Variants in DTNB observed in about 807,000 individuals in gnomAD.
The protein encoded by DTNB is dystrobrevin beta, also known as DTN-B.
A neutral mutation model predicts 90.7 loss-of-function variants in DTNB; 63 were observed. That is an observed-to-expected ratio of 0.69 (90% CI 0.57 to 0.86). The LOEUF is 0.86. Among genes scored for constraint, DTNB ranks in the 40% least tolerant of loss-of-function variants. DTNB has a pLI of 0.00. For synonymous variants in DTNB, 277 were observed against 286.7 expected (o/e 0.97, Z 0.34); for missense variants, 744 against 807.1 (o/e 0.92, Z 0.95).
At chr2:25,416,835 AG>A (rs2048097904) in intron 16 of DTNB, among the ~76,000 whole-genome samples, 7 of 151,480 alleles carry the variant, frequency 4.6e-5, no homozygotes, top group Admixed American at 1.3e-4. Context: ...GAAGGAAGGA[AG>A]GAAGGAAGGA....
intron 16 of DTNB, among the ~76,000 whole-genome samples, chr2:25,393,324 G>C (rs997780381): frequency 7.9e-5 from 12 of 152,146 alleles, no homozygotes; most frequent in African/African-American, 2.4e-4. Flanking sequence ...ACTGGAACAA[G>C]ACAAGGATGC....
intron 9 of DTNB, among the ~76,000 whole-genome samples, chr2:25,485,235 C>A (rs2065887296): frequency 6.6e-6 from 1 of 152,082 alleles, no homozygotes; most frequent in Non-Finnish European, 1.5e-5. Flanking sequence ...TCTTGAACTC[C>A]TGAGTTCAGG....
chr2:25,668,020 A>G (rs948749460), intron 1 of DTNB, among the ~76,000 whole-genome samples: 2 of 152,186 alleles, frequency 1.3e-5, no homozygotes, highest in Admixed American at 1.3e-4. Flanking sequence ...CAGGCGGATC[A>G]TGAGGTCAGG....
Position 25,506,994 on chromosome 2 carries a change from T to C in DTNB, c.1002-24121A>G, listed in dbSNP as rs369587644. ...TTTAGAAATTGCCTTAACTTTACAA[T>C]TGGATCCATGCATATTAGAAAAAAA... On this transcript the variant is annotated intron_variant, in intron 9 of 20. Transcript: ENST00000406818. Among the ~76,000 whole-genome samples, 36 of 152,216 alleles carry C rather than the reference T, an allele frequency of 2.4e-4. 1 individual carries two copies. Among genetic ancestry groups the C allele is most frequent in the African/African-American group, 8.4e-4 (35 of 41,552 alleles).
intron 8 of DTNB, among the ~76,000 whole-genome samples, chr2:25,541,440 C>A (rs2081232016): frequency 6.6e-6 from 1 of 152,076 alleles, no homozygotes; most frequent in Admixed American, 6.6e-5. Context: ...TGAGATCACA[C>A]CACCGCACTC....
chr2:25,489,571 T>C (rs991247779), intron 9 of DTNB, among the ~76,000 whole-genome samples: 5 of 152,160 alleles, frequency 3.3e-5, no homozygotes, highest in Non-Finnish European at 7.3e-5. Context: ...CAGTCCCAGT[T>C]ATGCAGGAGG....
intron 8 of DTNB, among the ~76,000 whole-genome samples, chr2:25,556,068 T>C (rs527308380): frequency 6.6e-6 from 1 of 151,888 alleles, no homozygotes; most frequent in East Asian, 1.9e-4. Context: ...CAGATCTATT[T>C]CACTTATTAT....
At chr2:25,392,162 A>T (rs780441484) in intron 16 of DTNB, among the ~76,000 whole-genome samples, 1 of 152,172 alleles carries the variant, frequency 6.6e-6, no homozygotes, top group Non-Finnish European at 1.5e-5. Flanking sequence ...TAATCCCAGC[A>T]CTTTGGGAGG....
chr2:25,416,040 T>C (rs2047837392), intron 16 of DTNB, among the ~76,000 whole-genome samples: 1 of 152,194 alleles, frequency 6.6e-6, no homozygotes, highest in Admixed American at 6.5e-5. Context: ...CTACTTGTGA[T>C]TGGTGTCTGA....
chr2:25,379,209 G>A (rs2036801606), intron 20 of DTNB, 81 bp downstream of exon 20: 1 of 1,261,828 alleles, frequency 7.9e-7, no homozygotes, highest in African/African-American at 1.6e-5. Context: ...AGGGACCTGT[G>A]ACTGCAGGAA....
rs553729309 is a variant in DTNB at position 25,530,487 on chromosome 2, G to T, written c.1001+986C>A. ...TAAAACTGATAAGTCAAGAAATGGT[G>T]CTCCAAACATATTATTTAGAAATAC... On this transcript the variant is annotated intron_variant, in intron 9 of 20. Transcript: ENST00000406818. Among the ~76,000 whole-genome samples, 253 of 152,174 alleles carry T rather than the reference G, an allele frequency of 1.7e-3. 1 individual carries two copies. The highest frequency in any genetic ancestry group is 5.8e-3 in the African/African-American group (240 of 41,528).
At position 25,647,608 on chromosome 2, in the gene DTNB, C is replaced by T. The variant is rs186569610; in HGVS notation, c.67+4986G>A. Among the ~76,000 whole-genome samples the T allele has an allele frequency of 3.7e-4, 56 of 152,262 alleles. No homozygotes were observed. The East Asian group carries it at 9.8e-3, about 27-fold the overall frequency. On this transcript the variant is annotated intron_variant, in intron 2 of 20. Transcript: ENST00000406818. ...AAGATACTCCAGCCAGGTGCGGTGG[C>T]CCACGCTTGTAATCCCAGCACTTTG... is the stretch of plus-strand genomic sequence containing the variant.
chr2:25,523,897 C>CT (rs869167435), intron 9 of DTNB, among the ~76,000 whole-genome samples: 1,294 of 115,792 alleles, frequency 0.011, 14 homozygotes, highest in Non-Finnish European at 0.015. Flanking sequence ...GTCATCTGTA[C>CT]TTTTTTTTTT....
rs187549631 is a variant in DTNB at position 25,557,965 on chromosome 2, G to C, written c.876+18873C>G. On this transcript the variant is annotated intron_variant, in intron 8 of 20. Transcript: ENST00000406818. ...GAGTCTTAACCTAAACAAGAAGAAC[G>C]AGCTGGAACTAAGAACTGCAGAAAT... Among the ~76,000 whole-genome samples, 28 of 152,286 alleles carry C rather than the reference G, an allele frequency of 1.8e-4. 1 individual carries two copies. The highest frequency in any genetic ancestry group is 1.2e-3 in the South Asian group (6 of 4,826).
At chr2:25,600,126 C>T (rs947341513) in intron 5 of DTNB, among the ~76,000 whole-genome samples, 1 of 152,092 alleles carries the variant, frequency 6.6e-6, no homozygotes, top group Non-Finnish European at 1.5e-5. Context: ...GCTAGTCTTA[C>T]AAGGAGGAAA....
intron 16 of DTNB, among the ~76,000 whole-genome samples, chr2:25,398,797 G>A (rs1158583996): frequency 6.6e-6 from 1 of 152,056 alleles, no homozygotes; most frequent in Non-Finnish European, 1.5e-5. Context: ...TCTCCTCTAG[G>A]ATGAGACAAT....
intron 8 of DTNB, among the ~76,000 whole-genome samples, chr2:25,551,109 C>T (rs992535013): frequency 6.6e-5 from 10 of 152,200 alleles, no homozygotes; most frequent in African/African-American, 2.2e-4. Flanking sequence ...AACTTCTTCT[C>T]ACCCTGATCT....
intron 3 of DTNB, among the ~76,000 whole-genome samples, chr2:25,630,862 A>G (rs527763470): frequency 6.0e-5 from 9 of 149,300 alleles, no homozygotes; most frequent in Admixed American, 6.7e-5. Flanking sequence ...AAAAAAAAAA[A>G]AAAAAGGGGA....
At chr2:25,396,968 T>G (rs1265564009) in intron 16 of DTNB, among the ~76,000 whole-genome samples, 1 of 151,956 alleles carries the variant, frequency 6.6e-6, no homozygotes, top group Non-Finnish European at 1.5e-5. Flanking sequence ...AGGGATAAAT[T>G]TGTCCTGAGA....
Sources: allele counts gnomAD v4.1 joint callset (sites outside exome capture counted in the v4.1 genomes callset), GRCh38; gene constraint gnomAD v4.1.1; transcripts MANE v1.5; gene names NCBI Gene and HGNC (gene_info 2026-07-23, HGNC 2026-07-21).